The following ERGIC1 variants were observed in gnomAD, a reference collection of about 807,000 sequenced individuals.
ERGIC1 encodes endoplasmic reticulum-golgi intermediate compartment 1.
In ERGIC1, 19 loss-of-function variants were observed where a neutral mutation model predicts 38.3. The ratio of observed to expected loss-of-function variants is 0.50; its 90% CI spans 0.35 to 0.73. The LOEUF (loss-of-function observed/expected upper bound fraction) is 0.73. Ranked by LOEUF, ERGIC1 falls within the 30% of genes least tolerant of loss-of-function variation. ERGIC1 has a pLI of 0.01. For synonymous variants in ERGIC1, 124 were observed against 157.6 expected, an observed-to-expected ratio of 0.79 and a Z score of 1.60; for missense variants, 294 against 389.2, an observed-to-expected ratio of 0.76 and a Z score of 2.06.
chr5:172,914,576 C>T (rs2113406707), intron 4 of ERGIC1, 138 bp from the exon 5 acceptor site: 1 of 1,423,516 alleles, frequency 7.0e-7, no homozygotes, highest in East Asian at 2.4e-5. Context: ...CTTTGGACCC[C>T]AGACCATGAG....
chr5:172,855,942 C>T (rs78754531), intron 1 of ERGIC1, among the ~76,000 whole-genome samples: 1 of 152,354 alleles, frequency 6.6e-6, no homozygotes, highest in East Asian at 1.9e-4. Context: ...GCCAAGAGGC[C>T]TCTTTAATTC....
At chr5:172,867,847 A>G (rs1761907970) in intron 1 of ERGIC1, among the ~76,000 whole-genome samples, 1 of 152,238 alleles carries the variant, frequency 6.6e-6, no homozygotes, top group Admixed American at 6.5e-5. Flanking sequence ...ACTGAATGCC[A>G]AGGGTTTTTT....
chr5:172,907,429 A>C (rs1212973632), intron 3 of ERGIC1, among the ~76,000 whole-genome samples: 1 of 152,138 alleles, frequency 6.6e-6, no homozygotes, highest in Non-Finnish European at 1.5e-5. Flanking sequence ...ATGGTGGCGC[A>C]TGCCAGTAGT....
At chr5:172,888,887 C>T (rs1167359945) in intron 2 of ERGIC1, 127 bp downstream of exon 2, 4 of 891,676 alleles carry the variant, frequency 4.5e-6, no homozygotes, top group Non-Finnish European at 7.4e-6. Context: ...AAATGCTGAG[C>T]ATCTTGCGGG....
intron 1 of ERGIC1, among the ~76,000 whole-genome samples, chr5:172,885,523 G>A (rs1326941307): frequency 6.6e-6 from 1 of 152,092 alleles, no homozygotes; most frequent in Non-Finnish European, 1.5e-5. Flanking sequence ...TTAGCCACCT[G>A]GGGTATCGAG....
intron 1 of ERGIC1, among the ~76,000 whole-genome samples, chr5:172,879,149 G>A (rs193044843): frequency 7.2e-5 from 11 of 152,314 alleles, no homozygotes; most frequent in African/African-American, 2.4e-4. Flanking sequence ...CAAGAACAGG[G>A]GAGAACTAAG....
intron 4 of ERGIC1, 27 bp downstream of exon 4, chr5:172,909,788 C>G: frequency 6.3e-7 from 1 of 1,594,226 alleles, no homozygotes; most frequent in Non-Finnish European, 8.6e-7. Context: ...GCCCCTCCCT[C>G]CAGCAGGACA....
chr5:172,950,874 C>T lies in ERGIC1; in HGVS notation c.*58C>T. The T allele has an allele frequency of 6.8e-7, 1 of 1,480,432 alleles. No individual in the cohort carries two copies. The highest frequency in any genetic ancestry group is 1.2e-5 in the South Asian group (1 of 80,746). 91.7% of individuals were successfully genotyped at this position (1,480,432 alleles called of 1,614,324 possible). ...GGCATCGCCAGCCTTGCCTCCAGTG[C>T]CCTGTCTCCTTTGGCCCTCAATCTG... On this transcript the variant is annotated 3_prime_UTR_variant, in exon 10 of 10. Coordinates refer to ENST00000393784, the MANE Select transcript of ERGIC1 (RefSeq NM_001031711.3).
At chr5:172,860,805 C>T (rs1178385922) in intron 1 of ERGIC1, among the ~76,000 whole-genome samples, 3 of 152,174 alleles carry the variant, frequency 2.0e-5, no homozygotes, top group South Asian at 2.1e-4. Flanking sequence ...GTGTTAGCCA[C>T]GCCTGTGTTT....
At chr5:172,943,394 C>CA (rs1764053239) in intron 9 of ERGIC1, among the ~76,000 whole-genome samples, 1 of 151,550 alleles carries the variant, frequency 6.6e-6, no homozygotes, top group Non-Finnish European at 1.5e-5. Flanking sequence ...TCCCCGACTA[C>CA]ACCCCCCACC....
intron 8 of ERGIC1, 77 bp from the exon 9 acceptor site, chr5:172,935,111 G>T: frequency 6.2e-7 from 1 of 1,604,908 alleles, no homozygotes; most frequent in Admixed American, 1.7e-5. Context: ...AGGGTTGCTG[G>T]GGGGCCCTCT....
intron 3 of ERGIC1, among the ~76,000 whole-genome samples, chr5:172,900,272 G>T (rs1329325112): frequency 6.6e-6 from 1 of 152,170 alleles, no homozygotes; most frequent in Non-Finnish European, 1.5e-5. Context: ...CAAGGGCAGG[G>T]CTGCTTCTTT....
At chr5:172,875,331 A>G (rs1762118046) in intron 1 of ERGIC1, among the ~76,000 whole-genome samples, 1 of 152,040 alleles carries the variant, frequency 6.6e-6, no homozygotes, top group Non-Finnish European at 1.5e-5. Context: ...CTTTTCCCTT[A>G]TGGTCTCAGA....
intron 1 of ERGIC1, among the ~76,000 whole-genome samples, chr5:172,853,482 C>T (rs1761464470): frequency 2.0e-5 from 3 of 152,200 alleles, no homozygotes; most frequent in Admixed American, 2.0e-4. Context: ...TGCCTCGATC[C>T]CCACAGCAGC....
At chr5:172,890,198 A>C (rs1308618142) in intron 2 of ERGIC1, among the ~76,000 whole-genome samples, 1 of 152,208 alleles carries the variant, frequency 6.6e-6, no homozygotes, top group Non-Finnish European at 1.5e-5. Context: ...CGTACCAAAA[A>C]ACCACAGTTC....
chr5:172,875,321 CT>C (rs1561712731), intron 1 of ERGIC1, among the ~76,000 whole-genome samples: 1 of 152,160 alleles, frequency 6.6e-6, no homozygotes, highest in African/African-American at 2.4e-5. Flanking sequence ...CTCAACTGCA[CT>C]TTTCCCTTAT....
At chr5:172,845,956 A>G (rs763245130) in intron 1 of ERGIC1, among the ~76,000 whole-genome samples, 4 of 152,074 alleles carry the variant, frequency 2.6e-5, no homozygotes, top group South Asian at 2.1e-4. Flanking sequence ...CCTGTTTTCT[A>G]TGACCTCAGC....
intron 5 of ERGIC1, chr5:172,920,243 G>T: frequency 1.4e-6 from 1 of 704,430 alleles, no homozygotes. Context: ...CCCATCAAGA[G>T]GTGCTCAAAG....
Position 172,893,939 on chromosome 5 carries a change from A to ATG in ERGIC1, c.83-3062_83-3061insGT, listed in dbSNP as rs1554110413. ...TGTGTGTGTGTGTGTGTGTGTGTAT[A>ATG]TATATATATATATATTTAAATGTCC... On this transcript the variant is annotated intron_variant, in intron 2 of 9. Transcript: ENST00000393784. 2.5e-3 allele frequency among the ~76,000 whole-genome samples: 89 copies of ATG among 35,804 alleles called. 5 individuals carry two copies. In the East Asian group the frequency reaches 0.028, roughly 11 times the overall value. 23.5% of individuals were successfully genotyped at this position (35,804 alleles called of 152,430 possible). A position where few individuals can be genotyped will look rare whatever the true frequency, so the allele number is the denominator to read the frequency against.
Sources: allele counts gnomAD v4.1 joint callset (sites outside exome capture counted in the v4.1 genomes callset), GRCh38; gene constraint gnomAD v4.1.1; transcripts MANE v1.5; gene names NCBI Gene and HGNC (gene_info 2026-07-23, HGNC 2026-07-21).